TNPO3: variants seen among roughly 807,000 people sequenced by gnomAD.
TNPO3 encodes transportin 3.
In TNPO3, 65 loss-of-function variants were observed where a neutral mutation model predicts 122.8. The ratio of observed to expected loss-of-function variants is 0.53; its 90% CI spans 0.43 to 0.65. The LOEUF is 0.65. TNPO3 is among the 30% of genes least tolerant of loss of function. TNPO3 has a pLI of 0.00. For synonymous variants in TNPO3, 372 were observed against 411.2 expected, an observed-to-expected ratio of 0.90 and a Z score of 1.15; for missense variants, 850 against 1,136.7, an observed-to-expected ratio of 0.75 and a Z score of 3.63.
Position 129,013,219 on chromosome 7 carries a change from C to T in TNPO3, c.552+1760G>A, listed in dbSNP as rs766471492. On this transcript the variant is annotated intron_variant, in intron 4 of 22. Coordinates refer to ENST00000265388, the MANE Select transcript of TNPO3 (RefSeq NM_012470.4). ...CAAACATTAGGGAAATGCTGCAGGA[C>T]ATTGATCTGGGCAAAGATCTCTTAA... 4.1e-4 allele frequency among the ~76,000 whole-genome samples: 63 copies of T among 152,044 alleles called. 1 individual carries two copies. Among genetic ancestry groups the T allele is most frequent in the Non-Finnish European group, 5.4e-4 (37 of 68,018 alleles).
In TNPO3 at chr7:129,054,862, C is replaced by T; in HGVS notation, c.-92G>A. ...CCTTCGCGCTTCCTCACTGTCTGGG[C>T]CACGGCCGCTCCCTGACTGGCGCCA... On this transcript the variant is annotated 5_prime_UTR_variant, in exon 1 of 23. An upstream open reading frame in the 5' UTR gains an earlier in-frame stop. Transcript: ENST00000265388. The T allele has an allele frequency of 1.3e-6, 2 of 1,560,086 alleles. No individual in the cohort carries two copies. The highest frequency in any genetic ancestry group is 1.7e-6 in the Non-Finnish European group (2 of 1,143,524).
At chr7:128,976,988 C>T (rs1799124851) in intron 16 of TNPO3, among the ~76,000 whole-genome samples, 5 of 152,066 alleles carry the variant, frequency 3.3e-5, no homozygotes, top group African/African-American at 1.2e-4. Flanking sequence ...AGTCTTCTGC[C>T]CACTCAAGTT....
rs576208602 is a variant in TNPO3 at position 129,014,910 on chromosome 7, A to G, written c.552+69T>C. ...AAGAAAGCTATTTCACAATAATGCAATTGATTACAAAATAACCGCCATGGC... is the reference window on the plus strand; with the variant it reads ...AAGAAAGCTATTTCACAATAATGCAGTTGATTACAAAATAACCGCCATGGC... On this transcript the variant is annotated intron_variant, in intron 4 of 22. Transcript: ENST00000265388. 2.0e-6 allele frequency: 3 copies of G among 1,474,928 alleles called. No individual in the cohort carries two copies. The East Asian group carries it at 7.3e-5, about 36-fold the overall frequency. The allele number at this position is 1,474,928 out of a possible 1,614,324, so 91.4% of individuals were successfully genotyped here.
chr7:128,997,499 C>A lies in TNPO3; in HGVS notation c.1048G>T (p.Gly350Trp). The A allele has an allele frequency of 6.2e-7, 1 of 1,613,928 alleles. No homozygotes were observed. Among genetic ancestry groups the A allele is most frequent in the Non-Finnish European group, 8.5e-7 (1 of 1,179,872 alleles). The stretch of plus-strand genomic sequence containing the variant: ...TCGTTAGTTTTGTACAAATGTTCCC[C>A]CAGTCGGTACCAAAAGTTAAATGAA... ...EISFNFWYRL[G>W]EHLYKTNDEV... The change falls in exon 8 of 23, where the codon GGG becomes TGG. Residue 350 changes from glycine (G) to tryptophan (W), a missense_variant. Coordinates refer to ENST00000265388, the MANE Select transcript of TNPO3 (RefSeq NM_012470.4).
chr7:129,048,095 G>A (rs1416028711), intron 1 of TNPO3, among the ~76,000 whole-genome samples: 1 of 152,172 alleles, frequency 6.6e-6, no homozygotes, highest in East Asian at 1.9e-4. Flanking sequence ...GGTGGTGCAT[G>A]CCTGTAGTCC....
At chr7:128,992,645 T>C (rs1800864675) in intron 9 of TNPO3, among the ~76,000 whole-genome samples, 1 of 152,126 alleles carries the variant, frequency 6.6e-6, no homozygotes, top group Admixed American at 6.5e-5. Flanking sequence ...ATTTCCCAGA[T>C]TATATCCACC....
chr7:129,037,189 A>T (rs1459581564), intron 1 of TNPO3, among the ~76,000 whole-genome samples: 1 of 152,244 alleles, frequency 6.6e-6, no homozygotes, highest in Non-Finnish European at 1.5e-5. Context: ...AATGCCTCAG[A>T]AGAGTTCCAC....
intron 1 of TNPO3, chr7:129,029,144 G>T: frequency 4.8e-6 from 1 of 210,222 alleles, no homozygotes; most frequent in South Asian, 7.2e-5. Context: ...TGCTGCCATC[G>T]GGACAGGATT....
At chr7:128,979,910 C>A in intron 15 of TNPO3, 61 bp downstream of exon 15, 1 of 1,504,406 alleles carries the variant, frequency 6.6e-7, no homozygotes, top group South Asian at 1.1e-5. Context: ...GTGAGTTACC[C>A]AAAGCCCTGT....
At chr7:128,978,669 T>G (rs1372244718) in intron 16 of TNPO3, among the ~76,000 whole-genome samples, 1 of 152,188 alleles carries the variant, frequency 6.6e-6, no homozygotes, top group Non-Finnish European at 1.5e-5. Flanking sequence ...TTTCAAATTC[T>G]TTTTTTGAGA....
At chr7:128,973,597 G>A (rs1306785637) in intron 18 of TNPO3, among the ~76,000 whole-genome samples, 7 of 151,156 alleles carry the variant, frequency 4.6e-5, no homozygotes, top group Non-Finnish European at 1.0e-4. Context: ...TTAGCTGGGT[G>A]TGGTGGCGGG....
rs770229980 is a variant in TNPO3 at position 129,018,170 on chromosome 7, T to C, written c.121-13A>G. Reference sequence around the variant, plus strand: ...CCCATGCATGAACCTGAAAGCGTATTAGACAAAGATGTCTTAAAGAAGACT... The same window carrying C: ...CCCATGCATGAACCTGAAAGCGTATCAGACAAAGATGTCTTAAAGAAGACT... On this transcript the variant is annotated splice_polypyrimidine_tract_variant and intron_variant, in intron 1 of 22. Coordinates refer to ENST00000265388, the MANE Select transcript of TNPO3 (RefSeq NM_012470.4). The C allele has an allele frequency of 2.5e-6, 4 of 1,612,958 alleles. No homozygotes were observed. The East Asian group carries it at 6.7e-5, about 27-fold the overall frequency.
chr7:128,990,312 CT>C, intron 10 of TNPO3: 2 of 644,264 alleles, frequency 3.1e-6, no homozygotes, highest in South Asian at 3.7e-5. Context: ...GAAAAGCATA[CT>C]GCTCCTTAAT....
chr7:129,014,893 T>A (rs1803654571), intron 4 of TNPO3, 86 bp downstream of exon 4: 2 of 1,359,842 alleles, frequency 1.5e-6, no homozygotes, highest in Admixed American at 5.4e-5. Context: ...CAAAGAAAGC[T>A]ATTTCACAAT....
chr7:129,000,199 T>A (rs1801781950), intron 7 of TNPO3, among the ~76,000 whole-genome samples: 1 of 152,200 alleles, frequency 6.6e-6, no homozygotes, highest in Non-Finnish European at 1.5e-5. Context: ...AACGAGTTCC[T>A]TGAGGGGCCT....
intron 8 of TNPO3, 26 bp downstream of exon 8, chr7:128,997,363 T>C (rs753896375): frequency 1.9e-6 from 3 of 1,609,810 alleles, no homozygotes; most frequent in Admixed American, 1.7e-5. Flanking sequence ...AAATTAAGAT[T>C]TGAAGAGGTA....
intron 1 of TNPO3, among the ~76,000 whole-genome samples, chr7:129,037,145 T>C (rs1806781292): frequency 6.6e-6 from 1 of 152,212 alleles, no homozygotes; most frequent in African/African-American, 2.4e-5. Context: ...AAAGCAATAA[T>C]ATCTTGTGGT....
At chr7:129,047,224 C>A (rs565359029) in intron 1 of TNPO3, among the ~76,000 whole-genome samples, 2 of 152,306 alleles carry the variant, frequency 1.3e-5, no homozygotes, top group Admixed American at 1.3e-4. Context: ...CAAAGATTGT[C>A]TCTGTAAAAG....
intron 7 of TNPO3, among the ~76,000 whole-genome samples, chr7:128,999,967 T>G (rs1801752690): frequency 6.6e-6 from 1 of 152,180 alleles, no homozygotes; most frequent in South Asian, 2.1e-4. Flanking sequence ...AATGAGATTT[T>G]AAAAAATCTA....
Sources: allele counts gnomAD v4.1 joint callset (sites outside exome capture counted in the v4.1 genomes callset), GRCh38; gene constraint gnomAD v4.1.1; transcripts MANE v1.5; gene names NCBI Gene and HGNC (gene_info 2026-07-23, HGNC 2026-07-21).